Variants in CALU observed in about 807,000 individuals in gnomAD.
CALU encodes IEF SSP 9302.
In CALU, 13 loss-of-function variants were observed where a neutral mutation model predicts 37.5. The observed-to-expected ratio is 0.35, with a 90% CI of 0.23 to 0.55. The LOEUF (loss-of-function observed/expected upper bound fraction) is 0.55, where lower values mean the gene tolerates loss of function less well. Ranked by LOEUF, CALU falls within the 20% of genes least tolerant of loss-of-function variation. The pLI is 0.89. For missense variants in CALU, 282 were observed against 391.7 expected (o/e 0.72, Z 2.36); for synonymous variants, 114 against 133.8 (o/e 0.85, Z 1.02).
Position 128,748,776 on chromosome 7 carries a change from A to T in CALU, c.193A>T (p.Thr65Ser), listed in dbSNP as rs1220610864. Residue 65 changes from threonine (T) to serine (S), a missense_variant, in exon 2 of 7, where the codon ACA becomes TCA. Transcript: ENST00000249364. ...AGAAGCAAAGACCTTTGATCAGCTG[A>T]CACCAGAAGAGAGCAAGGAAAGGCT... ...AEEAKTFDQL[T>S]PEESKERLGK... is the part of the protein sequence containing the mutation. 1 of 1,614,144 alleles carries T rather than the reference A, an allele frequency of 6.2e-7. No individual in the cohort carries two copies. Among genetic ancestry groups the T allele is most frequent in the South Asian group, 1.1e-5 (1 of 91,088 alleles).
intron 2 of CALU, among the ~76,000 whole-genome samples, chr7:128,749,562 G>T (rs923849132): frequency 2.6e-5 from 4 of 152,126 alleles, no homozygotes; most frequent in Non-Finnish European, 4.4e-5. Flanking sequence ...CACTGTTGGT[G>T]CAACTTCCTG....
intron 3 of CALU, chr7:128,754,754 C>T (rs41274227): frequency 0.049 from 71,390 of 1,454,166 alleles, 1,972 homozygotes; most frequent in East Asian, 0.1. Context: ...TGGCAGGGAC[C>T]GTGGTCTTGA....
chr7:128,765,895 T>G (rs1801309336), intron 5 of CALU, among the ~76,000 whole-genome samples: 1 of 152,204 alleles, frequency 6.6e-6, no homozygotes, highest in South Asian at 2.1e-4. Flanking sequence ...GCAATATTGC[T>G]TAGTTCTTGG....
At chr7:128,745,545 C>G (rs764446448) in intron 1 of CALU, among the ~76,000 whole-genome samples, 1 of 152,010 alleles carries the variant, frequency 6.6e-6, no homozygotes, top group Non-Finnish European at 1.5e-5. Context: ...GACCAGACTG[C>G]AGTGAGCTAT....
chr7:128,754,619 C>G, intron 3 of CALU, 164 bp downstream of exon 3: 1 of 1,551,582 alleles, frequency 6.4e-7, no homozygotes, highest in Non-Finnish European at 8.7e-7. Flanking sequence ...AGAAGAAATA[C>G]ATATATGACA....
At position 128,772,054 on chromosome 7, in the gene CALU, GTTTTTTTTGT is replaced by G. The variant is rs1562886289; in HGVS notation, c.*2896_*2905del. 4.5e-5 allele frequency among the ~76,000 whole-genome samples: 5 copies of G among 110,290 alleles called. No individual in the cohort carries two copies. Among genetic ancestry groups the G allele is most frequent in the Non-Finnish European group, 1.0e-4 (5 of 49,116 alleles). The allele number at this position is 110,290 out of a possible 152,430, so 72.4% of individuals were successfully genotyped here. On this transcript the variant is annotated 3_prime_UTR_variant, in exon 7 of 7. Coordinates refer to ENST00000249364, the MANE Select transcript of CALU (RefSeq NM_001219.5). ...TCAAACTCATATTTGGGGCCACTGAGTTTTTTTTGTTTTTTTTTTTGTTTTGTTTTGTTTT... is the reference window on the plus strand; with the variant it reads ...TCAAACTCATATTTGGGGCCACTGAGTTTTTTTTTTGTTTTGTTTTGTTTT...
chr7:128,752,699 T>G (rs1800723290), intron 2 of CALU, among the ~76,000 whole-genome samples: 1 of 152,222 alleles, frequency 6.6e-6, no homozygotes, highest in Non-Finnish European at 1.5e-5. Context: ...CTACTTTTTT[T>G]TCTGAGACGA....
At chr7:128,748,471 G>A (rs528665433) in intron 1 of CALU, 102 bp from the exon 2 acceptor site, 2 of 1,162,158 alleles carry the variant, frequency 1.7e-6, no homozygotes, top group Non-Finnish European at 2.4e-6. Context: ...GCATAGATAT[G>A]TATATCAAAT....
chr7:128,760,413 G>C (rs1281293453), intron 5 of CALU, among the ~76,000 whole-genome samples: 1 of 151,918 alleles, frequency 6.6e-6, no homozygotes, highest in Non-Finnish European at 1.5e-5. Context: ...AAAGTAAAAA[G>C]AAACAGATGA....
At chr7:128,751,823 A>G (rs1468868898) in intron 2 of CALU, among the ~76,000 whole-genome samples, 2 of 152,190 alleles carry the variant, frequency 1.3e-5, no homozygotes, top group Non-Finnish European at 2.9e-5. Context: ...CCAAATTCTT[A>G]AACAACTGAA....
In CALU at chr7:128,768,847, CAAAAA is replaced by C. The variant is rs1012831963; in HGVS notation, c.844-199_844-195del. ...GGGCAACAAGAGCGAAACTCCGTCT[CAAAAA>C]AAAAAAAAAAAAAAAACAAGGAATG... On this transcript the variant is annotated intron_variant, in intron 6 of 6. Transcript: ENST00000249364. 2.8e-3 allele frequency among the ~76,000 whole-genome samples: 153 copies of C among 55,194 alleles called. 8 individuals carry two copies. The highest frequency in any genetic ancestry group is 0.011 in the African/African-American group (127 of 11,574). 36.2% of individuals were successfully genotyped at this position (55,194 alleles called of 152,430 possible). A position where few individuals can be genotyped will look rare whatever the true frequency, so the allele number is the denominator to read the frequency against.
In CALU at chr7:128,755,330, A is replaced by G. The variant is rs999056488; in HGVS notation, c.415+875A>G. Among the ~76,000 whole-genome samples, 493 of 150,386 alleles carry G rather than the reference A, an allele frequency of 3.3e-3. 3 individuals carry two copies. Among genetic ancestry groups the G allele is most frequent in the African/African-American group, 0.011 (469 of 41,004 alleles). On this transcript the variant is annotated intron_variant, in intron 3 of 6. Transcript: ENST00000249364. ...TGTCCAAAAAAAAAAAAAAAAAAAA[A>G]AAAGAGGCTATGAGGCTACATACTT...
intron 2 of CALU, among the ~76,000 whole-genome samples, chr7:128,750,503 C>T (rs964168053): frequency 6.6e-6 from 1 of 152,130 alleles, no homozygotes; most frequent in Non-Finnish European, 1.5e-5. Context: ...AAAAGTTTGT[C>T]ACATATGCAG....
chr7:128,756,749 G>A (rs1426339598), intron 3 of CALU, among the ~76,000 whole-genome samples: 1 of 152,082 alleles, frequency 6.6e-6, no homozygotes, highest in Non-Finnish European at 1.5e-5. Context: ...AGCATTCCAA[G>A]CAGAGCTATA....
intron 4 of CALU, 67 bp downstream of exon 4, chr7:128,759,104 C>A: frequency 7.9e-7 from 1 of 1,264,644 alleles, no homozygotes; most frequent in Non-Finnish European, 1.1e-6. Flanking sequence ...CTGTCTTTCC[C>A]CTTTAGCCTT....
rs556457949 is a variant in CALU, at chr7:128,759,971, A to G, written c.643+119A>G. On this transcript the variant is annotated intron_variant, in intron 5 of 6. Transcript: ENST00000249364. ...CCAACACTGGGAGGCCGAGGCGGGCAGATCACCTGAGGTCAGGAGTCCAAG... is the reference window on the plus strand; with the variant it reads ...CCAACACTGGGAGGCCGAGGCGGGCGGATCACCTGAGGTCAGGAGTCCAAG... 6.8e-5 allele frequency: 42 copies of G among 617,592 alleles called. No individual in the cohort carries two copies. In the African/African-American group the frequency reaches 7.0e-4, roughly 10 times the overall value. 38.3% of individuals were successfully genotyped at this position (617,592 alleles called of 1,614,324 possible).
In CALU at chr7:128,767,484, T is replaced by C. The variant is rs778506066; in HGVS notation, c.672T>C (p.Thr224=). The C allele has an allele frequency of 2.5e-6, 4 of 1,613,908 alleles. No individual in the cohort carries two copies. The highest frequency in any genetic ancestry group is 3.4e-6 in the Non-Finnish European group (4 of 1,179,882). The change falls in exon 6 of 7, where the codon ACT becomes ACC. Residue 224 remains threonine (T), a synonymous_variant. Coordinates refer to ENST00000249364, the MANE Select transcript of CALU (RefSeq NM_001219.5). ...IGDMYSHDGN[T]DEPEWVKTER... ...ACATGTACAGCCATGATGGGAATAC[T>C]GATGAGCCAGAATGGGTAAAGACAG...
At chr7:128,757,328 C>G (rs939534339) in intron 3 of CALU, among the ~76,000 whole-genome samples, 2 of 151,252 alleles carry the variant, frequency 1.3e-5, no homozygotes, top group Non-Finnish European at 2.9e-5. Flanking sequence ...GTTTGCCTTA[C>G]GTTCTCCATC....
At chr7:128,763,968 T>C (rs1801222818) in intron 5 of CALU, among the ~76,000 whole-genome samples, 2 of 152,244 alleles carry the variant, frequency 1.3e-5, no homozygotes, top group African/African-American at 4.8e-5. Context: ...TCCCATACCT[T>C]ACATGCAATG....
Sources: gnomAD v4.1 joint callset for allele counts (sites outside exome capture counted in the v4.1 genomes callset) on GRCh38, gnomAD v4.1.1 for gene constraint, MANE v1.5 for transcripts, NCBI Gene and HGNC (gene_info 2026-07-23, HGNC 2026-07-21) for gene names.